The following GAA variants were observed in gnomAD, a reference collection of about 807,000 sequenced individuals.
The protein encoded by GAA is alpha glucosidase.
Under a neutral mutation model 103.9 loss-of-function variants are expected in GAA, and 88 were observed. That is an observed-to-expected ratio of 0.85 (90% confidence interval 0.71 to 1.01). The LOEUF (loss-of-function observed/expected upper bound fraction) is 1.01. Ranked by LOEUF, GAA falls within the 50% of genes least tolerant of loss-of-function variation. The pLI is 0.00. For synonymous variants in GAA, 572 were observed against 563.1 expected, an observed-to-expected ratio of 1.02 and a Z score of -0.22; for missense variants, 1,350 against 1,305.3, an observed-to-expected ratio of 1.03 and a Z score of -0.53.
chr17:80,114,420 CTTTTTT>C (rs11358043), intron 15 of GAA, among the ~76,000 whole-genome samples: 1 of 137,094 alleles, frequency 7.3e-6, no homozygotes, highest in South Asian at 2.3e-4. Context: ...TGTCACTACA[CTTTTTT>C]TTTTTTTTTT....
rs1234415461 is a variant in GAA, at chr17:80,108,813, C to T, written c.1311C>T (p.Arg437=). The part of the protein sequence containing the change: ...MVQELHQGGR[R]YMMIVDPAIS... ...AGGAGCTGCACCAGGGCGGCCGGCG[C>T]TACATGATGATCGTGGTGTGTGCCC... Residue 437 remains arginine (R), a synonymous_variant, in exon 8 of 20, where the codon CGC becomes CGT. Coordinates refer to ENST00000302262, the MANE Select transcript of GAA (RefSeq NM_000152.5). 6.3e-7 allele frequency: 1 copy of T among 1,597,586 alleles called. No homozygotes were observed. Among genetic ancestry groups the T allele is most frequent in the Admixed American group, 1.7e-5 (1 of 57,738 alleles).
At chr17:80,113,177 C>G in intron 14 of GAA, 41 bp from the exon 15 acceptor site, 2 of 1,564,440 alleles carry the variant, frequency 1.3e-6, no homozygotes, top group Non-Finnish European at 1.7e-6. Flanking sequence ...GACCGCGGCC[C>G]CAGCACCCAA....
rs749968903 is a variant in GAA at position 80,109,972 on chromosome 17, G to A, written c.1354G>A (p.Ala452Thr). The A allele has an allele frequency of 6.2e-7, 1 of 1,613,380 alleles. No individual in the cohort carries two copies. Among genetic ancestry groups the A allele is most frequent in the Admixed American group, 1.7e-5 (1 of 60,014 alleles). Reference protein sequence around the residue: ...VDPAISSSGPAGSYRPYDEGL... With the variant: ...VDPAISSSGPTGSYRPYDEGL... ...TCCTGCCATCAGCAGCTCGGGCCCTGCCGGGAGCTACAGGCCCTACGACGA... is the reference window on the plus strand; with the variant it reads ...TCCTGCCATCAGCAGCTCGGGCCCTACCGGGAGCTACAGGCCCTACGACGA... The change falls in exon 9 of 20, where the codon GCC (alanine) becomes ACC (threonine). Residue 452 changes from alanine (A) to threonine (T), a missense_variant. Ala to Thr is a moderately conservative substitution (Grantham distance 58, BLOSUM62 0). Coordinates refer to ENST00000302262, the MANE Select transcript of GAA (RefSeq NM_000152.5).
chr17:80,117,231 C>A, intron 16 of GAA, 122 bp downstream of exon 16: 2 of 1,085,568 alleles, frequency 1.8e-6, no homozygotes, highest in Non-Finnish European at 2.7e-6. Flanking sequence ...TGAGTCCCGG[C>A]CATGTGCCAG....
rs1346722754 is a variant in GAA, at chr17:80,104,378, C to T, written c.-32-177C>T. ...CTCCCCTGCTGGAGCTTTTCTCGCC[C>T]TTCCTTCTGGCCCTCTCCCCAGTCT... On this transcript the variant is annotated intron_variant, in intron 1 of 19. Coordinates refer to ENST00000302262, the MANE Select transcript of GAA (RefSeq NM_000152.5). The surrounding 1 kb of genome is among the most constrained non-coding windows in gnomAD (Gnocchi z 4.0). Among the ~76,000 whole-genome samples, 1 of 152,170 alleles carries T rather than the reference C, an allele frequency of 6.6e-6. No individual in the cohort carries two copies. Among genetic ancestry groups the T allele is most frequent in the East Asian group, 1.9e-4 (1 of 5,196 alleles).
chr17:80,111,194 G>A (rs182431065), intron 11 of GAA, among the ~76,000 whole-genome samples, 169 bp downstream of exon 11: 106 of 152,338 alleles, frequency 7.0e-4, no homozygotes, highest in African/African-American at 2.2e-3. Context: ...CAGCCAAGCA[G>A]TGCAGACAGG....
chr17:80,108,065 A>G (rs1050712463), intron 5 of GAA, among the ~76,000 whole-genome samples, 169 bp downstream of exon 5: 3 of 152,020 alleles, frequency 2.0e-5, no homozygotes, highest in Non-Finnish European at 2.9e-5. Flanking sequence ...CTGTGCTCCT[A>G]AGGAGGGTTC....
chr17:80,113,204 CGCCTGCCCT>C lies in GAA; in HGVS notation c.2041-11_2041-3del, dbSNP rs2039285834. ...AGCACCCAAGTGCTTCCTTTGCCCC[CGCCTGCCCT>C]GCAGCCCCAGGAGCCGTACAGCTTC... On this transcript the variant is annotated splice_region_variant and splice_polypyrimidine_tract_variant and intron_variant, in intron 14 of 19. Coordinates refer to ENST00000302262, the MANE Select transcript of GAA (RefSeq NM_000152.5). 6.3e-7 allele frequency: 1 copy of C among 1,587,238 alleles called. No homozygotes were observed. Among genetic ancestry groups the C allele is most frequent in the Admixed American group, 1.8e-5 (1 of 56,942 alleles).
chr17:80,114,066 T>TTTGGGGAA (rs1555601990), intron 15 of GAA, among the ~76,000 whole-genome samples: 1 of 145,582 alleles, frequency 6.9e-6, no homozygotes, highest in African/African-American at 2.6e-5. Flanking sequence ...AATGTGTATC[T>TTTGGGGAA]CTGGGGAAAG....
chr17:80,117,717 C>T lies in GAA; in HGVS notation c.2449C>T (p.His817Tyr), dbSNP rs2039388315. The T allele has an allele frequency of 3.1e-6, 5 of 1,611,740 alleles. No homozygotes were observed. Among genetic ancestry groups the T allele is most frequent in the East Asian group, 2.2e-5 (1 of 44,860 alleles). The change falls in exon 17 of 20, where the codon CAC becomes TAC. Residue 817 changes from histidine (H) to tyrosine (Y), a missense_variant. By Grantham distance (83) the His-to-Tyr change is moderately conservative. Coordinates refer to ENST00000302262, the MANE Select transcript of GAA (RefSeq NM_000152.5). Reference protein sequence around the residue: ...LPAPLDTINVHLRAGYIIPLQ... With the variant: ...LPAPLDTINVYLRAGYIIPLQ... ...GGCCCCCCTGGACACCATCAACGTCCACCTCCGGGCTGGGTACATCATCCC... is the reference window on the plus strand; with the variant it reads ...GGCCCCCCTGGACACCATCAACGTCTACCTCCGGGCTGGGTACATCATCCC...
chr17:80,108,603 C>T lies in GAA; in HGVS notation c.1190C>T (p.Pro397Leu), dbSNP rs776008078. 23 of 1,612,818 alleles carry T rather than the reference C, an allele frequency of 1.4e-5. No individual in the cohort carries two copies. Among genetic ancestry groups the T allele is most frequent in the Non-Finnish European group, 1.9e-5 (22 of 1,179,918 alleles). ...VVENMTRAHF[P>L]LDVQWNDLDY... ...GAGAACATGACCAGGGCCCACTTCC[C>T]CCTGGTGAGTTGGGGTGGTGGCAGG... Residue 397 changes from proline (P) to leucine (L), a missense_variant, in exon 7 of 20, where the codon CCC becomes CTC. By Grantham distance (98) the Pro-to-Leu change is moderately conservative. Coordinates refer to ENST00000302262, the MANE Select transcript of GAA (RefSeq NM_000152.5).
chr17:80,110,442 G>A (rs966251989), intron 9 of GAA, among the ~76,000 whole-genome samples: 25 of 152,206 alleles, frequency 1.6e-4, no homozygotes, highest in African/African-American at 6.0e-4. Context: ...GGCCGTCTCC[G>A]CTGCCCTTCT....
rs1359682440 is a variant in GAA at position 80,112,017 on chromosome 17, C to T, written c.1671C>T (p.Ile557=). 6.2e-7 allele frequency: 1 copy of T among 1,614,002 alleles called. No homozygotes were observed. The part of the protein sequence containing the change: ...VVGGTLQAAT[I]CASSHQFLST... ...GGGGGACCCTCCAGGCGGCCACCAT[C>T]TGTGCCTCCAGCCACCAGTTTCTCT... Residue 557 remains isoleucine (I), a synonymous_variant, in exon 12 of 20, where the codon ATC becomes ATT. Coordinates refer to ENST00000302262, the MANE Select transcript of GAA (RefSeq NM_000152.5).
intron 15 of GAA, among the ~76,000 whole-genome samples, chr17:80,113,707 A>C (rs781098650): frequency 3.9e-4 from 59 of 152,272 alleles, no homozygotes; most frequent in Middle Eastern, 3.4e-3. Context: ...AGATAAATTA[A>C]ATAGTTAATG....
Position 80,105,021 on chromosome 17 carries a change from A to T in GAA, c.435A>T (p.Glu145Asp), listed in dbSNP as rs765586839. 7.4e-6 allele frequency: 12 copies of T among 1,612,838 alleles called. No homozygotes were observed. The highest frequency in any genetic ancestry group is 1.0e-5 in the Non-Finnish European group (12 of 1,179,986). The change falls in exon 2 of 20, where the codon GAA (glutamate) becomes GAT (aspartate). Residue 145 changes from glutamate (E) to aspartate (D), a missense_variant. By Grantham distance (45) the Glu-to-Asp change is conservative (BLOSUM62 2). Coordinates refer to ENST00000302262, the MANE Select transcript of GAA (RefSeq NM_000152.5). ...SYKLENLSSS[E>D]MGYTATLTRT... Reference sequence around the variant, plus strand: ...AGCTGGAGAACCTGAGCTCCTCTGAAATGGGCTACACGGCCACCCTGACCC... The same window carrying T: ...AGCTGGAGAACCTGAGCTCCTCTGATATGGGCTACACGGCCACCCTGACCC...
intron 16 of GAA, among the ~76,000 whole-genome samples, 170 bp downstream of exon 16, chr17:80,117,279 G>A (rs113441911): frequency 1.0e-3 from 159 of 152,278 alleles, no homozygotes; most frequent in African/African-American, 3.1e-3. Context: ...CAGCCTCTCC[G>A]CTCCTCACAC....
chr17:80,112,709 C>T lies in GAA; in HGVS notation c.1886C>T (p.Pro629Leu), dbSNP rs746961289. 21 of 1,606,344 alleles carry T rather than the reference C, an allele frequency of 1.3e-5. No individual in the cohort carries two copies. In the East Asian group the frequency reaches 3.1e-4, roughly 24 times the overall value. The change falls in exon 13 of 20, where the codon CCA becomes CTA. Residue 629 changes from proline (P) to leucine (L), a missense_variant and splice_region_variant. Pro to Leu is a moderately conservative substitution (Grantham distance 98). Transcript: ENST00000302262. ...SSWEQLASSV[P>L]EILQFNLLGV... ...TGGGAGCAGCTCGCCTCCTCCGTGC[C>T]AGGTGAGCTCCTACCAGGAGGGGCT...
chr17:80,111,940 G>A (rs374340930), intron 11 of GAA, 43 bp from the exon 12 acceptor site: 20 of 1,555,776 alleles, frequency 1.3e-5, no homozygotes, highest in Non-Finnish European at 1.6e-5. Context: ...CTTGGAGCCT[G>A]CCGGGAGGAA....
At position 80,118,231 on chromosome 17, in the gene GAA, C is replaced by T. The variant is rs1054395487; in HGVS notation, c.2520C>T (p.Pro840=). The T allele has an allele frequency of 6.2e-7, 1 of 1,612,980 alleles. No individual in the cohort carries two copies. The highest frequency in any genetic ancestry group is 8.5e-7 in the Non-Finnish European group (1 of 1,179,704). ...CAACCACAGAGTCCCGCCAGCAGCC[C>T]ATGGCCCTGGCTGTGGCCCTGACCA... ...GLTTTESRQQ[P]MALAVALTKG... Residue 840 remains proline, a synonymous_variant, in exon 18 of 20, where the codon CCC becomes CCT. Coordinates refer to ENST00000302262, the MANE Select transcript of GAA (RefSeq NM_000152.5).
Sources: allele counts gnomAD v4.1 joint callset (sites outside exome capture counted in the v4.1 genomes callset), GRCh38; gene constraint gnomAD v4.1.1; non-coding constraint Gnocchi (gnomAD v3.1); transcripts MANE v1.5; gene names NCBI Gene and HGNC (gene_info 2026-07-23, HGNC 2026-07-21).